The following ELK3 variants were observed in gnomAD, a reference collection of about 807,000 sequenced individuals.
ELK3 encodes ETS transcription factor ELK3.
ELK3 carries 10 observed loss-of-function variants against 28.9 expected under a neutral mutation model. That is an observed-to-expected ratio of 0.35 (90% CI 0.21 to 0.59). The LOEUF (loss-of-function observed/expected upper bound fraction) is 0.59. Ranked by LOEUF, ELK3 falls within the 20% of genes least tolerant of loss-of-function variation. The pLI is 0.82. For synonymous variants in ELK3, 272 were observed against 243.5 expected, an observed-to-expected ratio of 1.12 and a Z score of -1.09; for missense variants, 463 against 517.3, an observed-to-expected ratio of 0.90 and a Z score of 1.02.
At chr12:96,224,179 C>T (rs1054658800) in intron 2 of ELK3, among the ~76,000 whole-genome samples, 6 of 152,120 alleles carry the variant, frequency 3.9e-5, no homozygotes, top group Non-Finnish European at 4.4e-5. Flanking sequence ...GTAGCTTTGG[C>T]AGATTATTTT....
chr12:96,197,046 T>C (rs763429448), intron 1 of ELK3, among the ~76,000 whole-genome samples: 6 of 152,118 alleles, frequency 3.9e-5, no homozygotes, highest in South Asian at 2.1e-4. Context: ...ACAAAACTTA[T>C]AATAGGTAAG....
chr12:96,239,563 G>C (rs1391995537), intron 2 of ELK3, among the ~76,000 whole-genome samples: 2 of 152,204 alleles, frequency 1.3e-5, no homozygotes, highest in South Asian at 2.1e-4. Context: ...CCTCATAAAT[G>C]CTGGCTTCTT....
chr12:96,256,877 C>T (rs1951953649), intron 3 of ELK3, among the ~76,000 whole-genome samples: 1 of 152,136 alleles, frequency 6.6e-6, no homozygotes, highest in Non-Finnish European at 1.5e-5. Context: ...GATGCCAGCT[C>T]ACCCTGGCGA....
intron 2 of ELK3, among the ~76,000 whole-genome samples, chr12:96,228,415 TCAAAAAAA>T (rs1951719347): frequency 3.0e-5 from 1 of 32,930 alleles, no homozygotes; most frequent in Admixed American, 4.7e-4. Flanking sequence ...AGACTCTGTG[TCAAAAAAA>T]AAAAAAAAAA....
chr12:96,248,122 G>A (rs1285807717), intron 3 of ELK3, among the ~76,000 whole-genome samples: 3 of 152,200 alleles, frequency 2.0e-5, no homozygotes, highest in African/African-American at 4.8e-5. Flanking sequence ...CTCTGGGGGC[G>A]CTTAATAAGG....
intron 4 of ELK3, among the ~76,000 whole-genome samples, chr12:96,260,370 G>A (rs144170774): frequency 3.4e-4 from 52 of 152,278 alleles, no homozygotes; most frequent in Middle Eastern, 6.8e-3. Context: ...GTAGCAACTT[G>A]TTTGACATAA....
chr12:96,214,372 A>G (rs1469683323), intron 1 of ELK3, among the ~76,000 whole-genome samples: 3 of 151,696 alleles, frequency 2.0e-5, no homozygotes, highest in African/African-American at 2.4e-5. Flanking sequence ...CGGAGCTTGC[A>G]GTGAACCGAG....
At chr12:96,218,797 C>T (rs1400114018) in intron 1 of ELK3, among the ~76,000 whole-genome samples, 3 of 151,824 alleles carry the variant, frequency 2.0e-5, no homozygotes, top group African/African-American at 2.4e-5. Flanking sequence ...CACAGGCGCC[C>T]GCCACCACGC....
chr12:96,227,074 C>T (rs959939128), intron 2 of ELK3, among the ~76,000 whole-genome samples: 2 of 152,216 alleles, frequency 1.3e-5, no homozygotes, highest in Admixed American at 6.5e-5. Flanking sequence ...TGAAGTGGCT[C>T]GGCCTCTTGC....
rs866212710 is a variant in ELK3, at chr12:96,269,237, A to G, written c.*2057A>G. 1.3e-5 allele frequency: 2 copies of G among 152,350 alleles called. No individual in the cohort carries two copies. The highest frequency in any genetic ancestry group is 1.3e-4 in the Admixed American group (2 of 15,292). The allele number at this position is 152,350 out of a possible 1,614,324, so 9.4% of individuals were successfully genotyped here. On this transcript the variant is annotated 3_prime_UTR_variant, in exon 5 of 5. Coordinates refer to ENST00000228741, the MANE Select transcript of ELK3 (RefSeq NM_005230.4). ...ATTAGTAAAACAAACAAAACAGATA[A>G]AGACAGCATTTAAAACTGTGTTGTC...
intron 1 of ELK3, among the ~76,000 whole-genome samples, chr12:96,204,425 T>A (rs1457534592): frequency 1.3e-5 from 2 of 152,230 alleles, no homozygotes; most frequent in Non-Finnish European, 2.9e-5. Context: ...GAAGACTTGA[T>A]TGACTAAACA....
At chr12:96,241,442 G>GTA (rs1193666354) in intron 2 of ELK3, among the ~76,000 whole-genome samples, 1 of 151,730 alleles carries the variant, frequency 6.6e-6, no homozygotes, top group African/African-American at 2.4e-5. Context: ...GTGTGTGTGT[G>GTA]TGTGTGTGTG....
intron 4 of ELK3, 135 bp from the exon 5 acceptor site, chr12:96,266,947 T>C: frequency 1.7e-6 from 1 of 586,480 alleles, no homozygotes; most frequent in Non-Finnish European, 2.7e-6. Flanking sequence ...TTCTGTAAAA[T>C]ACATTGGCAA....
intron 1 of ELK3, among the ~76,000 whole-genome samples, chr12:96,199,476 T>G (rs1299851307): frequency 8.6e-6 from 1 of 116,642 alleles, no homozygotes; most frequent in African/African-American, 3.7e-5. Flanking sequence ...GTAAATAAAA[T>G]TAGCTGTGTG....
At chr12:96,243,551 C>T (rs1047515639) in intron 2 of ELK3, among the ~76,000 whole-genome samples, 3 of 151,758 alleles carry the variant, frequency 2.0e-5, no homozygotes, top group East Asian at 1.9e-4. Context: ...GGTGAAACCC[C>T]GTCTCTATAA....
rs973463813 is a variant in ELK3 at position 96,268,482 on chromosome 12, A to T, written c.*1302A>T. On this transcript the variant is annotated 3_prime_UTR_variant, in exon 5 of 5. Transcript: ENST00000228741. ...AATTTGGAGCAGTGATAATACAGAC[A>T]TATTTTCTGTTCCATCAGAAAATCA... The T allele has an allele frequency of 2.0e-5, 3 of 152,212 alleles. No individual in the cohort carries two copies. The highest frequency in any genetic ancestry group is 7.2e-5 in the African/African-American group (3 of 41,460). 9.4% of individuals were successfully genotyped at this position (152,212 alleles called of 1,614,324 possible).
intron 2 of ELK3, among the ~76,000 whole-genome samples, chr12:96,226,181 C>T (rs1006544452): frequency 3.3e-5 from 5 of 152,076 alleles, no homozygotes. Flanking sequence ...TGAAAAATCC[C>T]AGCAAACGAT....
intron 2 of ELK3, among the ~76,000 whole-genome samples, chr12:96,225,015 C>T (rs1951688970): frequency 6.6e-6 from 1 of 152,188 alleles, no homozygotes; most frequent in Admixed American, 6.5e-5. Flanking sequence ...AAGGTGCTCT[C>T]CTTTAACGTA....
At chr12:96,211,048 A>G (rs1475074114) in intron 1 of ELK3, among the ~76,000 whole-genome samples, 1 of 152,184 alleles carries the variant, frequency 6.6e-6, no homozygotes, top group Non-Finnish European at 1.5e-5. Flanking sequence ...CCATGTGGCC[A>G]TGAGTGTCTT....
Sources: gnomAD v4.1 joint callset for allele counts (sites outside exome capture counted in the v4.1 genomes callset) on GRCh38, gnomAD v4.1.1 for gene constraint, MANE v1.5 for transcripts, NCBI Gene and HGNC (gene_info 2026-07-23, HGNC 2026-07-21) for gene names.